The following HS3ST4 variants were observed in gnomAD, a reference collection of about 807,000 sequenced individuals.
HS3ST4 encodes the protein heparan sulfate glucosamine 3-O-sulfotransferase 4.
HS3ST4 carries 17 observed loss-of-function variants against 29.2 expected under a neutral mutation model. The observed-to-expected ratio is 0.58, with a 90% CI of 0.40 to 0.87. The LOEUF (loss-of-function observed/expected upper bound fraction) is 0.87. Among genes scored for constraint, HS3ST4 ranks in the 40% least tolerant of loss-of-function variants. The pLI, the probability that HS3ST4 is intolerant of heterozygous loss-of-function variation, is 0.00. For missense variants in HS3ST4, 627 were observed against 634.5 expected, an observed-to-expected ratio of 0.99 and a Z score of 0.13; for synonymous variants, 314 against 285.7, an observed-to-expected ratio of 1.10 and a Z score of -1.00.
At chr16:26,098,921 G>A (rs373442743) in intron 1 of HS3ST4, among the ~76,000 whole-genome samples, 28 of 152,114 alleles carry the variant, frequency 1.8e-4, no homozygotes, top group African/African-American at 6.3e-4. Flanking sequence ...CTGCGGATAC[G>A]GTTCAGGCAA....
intron 1 of HS3ST4, among the ~76,000 whole-genome samples, chr16:25,752,472 A>G (rs557740437): frequency 2.4e-4 from 37 of 152,298 alleles, no homozygotes; most frequent in African/African-American, 8.4e-4. Flanking sequence ...TGATAAAAGG[A>G]TTTGACGGAA....
intron 1 of HS3ST4, among the ~76,000 whole-genome samples, chr16:25,929,581 T>C (rs866160692): frequency 6.6e-6 from 1 of 151,992 alleles, no homozygotes; most frequent in African/African-American, 2.4e-5. Flanking sequence ...ACAAAATAAT[T>C]GGTCTGTCTC....
chr16:26,012,669 A>AC (rs1969321122), intron 1 of HS3ST4, among the ~76,000 whole-genome samples: 1 of 152,110 alleles, frequency 6.6e-6, no homozygotes, highest in Non-Finnish European at 1.5e-5. Context: ...AGCTGTCTCT[A>AC]CCCCCACATT....
At chr16:26,024,187 C>T (rs934338227) in intron 1 of HS3ST4, among the ~76,000 whole-genome samples, 1 of 148,648 alleles carries the variant, frequency 6.7e-6, no homozygotes, top group Non-Finnish European at 1.5e-5. Flanking sequence ...CACACCACTG[C>T]ACTCCAGCCC....
intron 1 of HS3ST4, among the ~76,000 whole-genome samples, chr16:25,820,970 CT>C (rs1967148891): frequency 2.6e-5 from 4 of 151,892 alleles, no homozygotes. Flanking sequence ...CATTTTAGGG[CT>C]TTGCTATAGC....
chr16:25,708,031 T>A (rs1450501769), intron 1 of HS3ST4, among the ~76,000 whole-genome samples: 1 of 152,222 alleles, frequency 6.6e-6, no homozygotes, highest in Non-Finnish European at 1.5e-5. Flanking sequence ...TCTGGTATCC[T>A]AATTTCCTGT....
At chr16:25,771,351 A>G (rs1966841743) in intron 1 of HS3ST4, among the ~76,000 whole-genome samples, 1 of 152,098 alleles carries the variant, frequency 6.6e-6, no homozygotes, top group African/African-American at 2.4e-5. Flanking sequence ...TCTGGCCACC[A>G]TGTTGCAAGT....
chr16:26,025,736 C>T (rs1969464274), intron 1 of HS3ST4, among the ~76,000 whole-genome samples: 2 of 152,130 alleles, frequency 1.3e-5, no homozygotes, highest in Non-Finnish European at 1.5e-5. Context: ...CAAGGAACTT[C>T]TGGAAGGCTT....
chr16:26,104,385 C>T (rs1899025993), intron 1 of HS3ST4, among the ~76,000 whole-genome samples: 1 of 152,054 alleles, frequency 6.6e-6, no homozygotes, highest in African/African-American at 2.4e-5. Flanking sequence ...GGATAATAGG[C>T]CAGGGAGTTG....
intron 1 of HS3ST4, among the ~76,000 whole-genome samples, chr16:25,988,927 G>T (rs141955882): frequency 6.6e-6 from 1 of 151,678 alleles, no homozygotes; most frequent in African/African-American, 2.4e-5. Context: ...TTTAAAAAGC[G>T]TTAGAAGAAA....
At chr16:25,749,818 A>G (rs1236318617) in intron 1 of HS3ST4, among the ~76,000 whole-genome samples, 2 of 152,132 alleles carry the variant, frequency 1.3e-5, no homozygotes, top group Non-Finnish European at 2.9e-5. Flanking sequence ...TCTTCCAAGA[A>G]CCTTATGTGG....
chr16:26,055,282 A>G (rs1304491400), intron 1 of HS3ST4, among the ~76,000 whole-genome samples: 5 of 152,160 alleles, frequency 3.3e-5, no homozygotes, highest in Non-Finnish European at 7.3e-5. Flanking sequence ...GCTGTGGCTA[A>G]GTGATTTAGC....
intron 1 of HS3ST4, among the ~76,000 whole-genome samples, chr16:25,698,298 A>T (rs991095934): frequency 1.3e-5 from 2 of 152,084 alleles, no homozygotes; most frequent in African/African-American, 4.8e-5. Context: ...AAATGGAGTA[A>T]CAGAGTAAGA....
intron 1 of HS3ST4, among the ~76,000 whole-genome samples, chr16:25,910,650 A>G (rs1968229494): frequency 6.6e-6 from 1 of 151,994 alleles, no homozygotes; most frequent in African/African-American, 2.4e-5. Flanking sequence ...TCTGTCTCAA[A>G]AAAAAAAAAG....
intron 1 of HS3ST4, among the ~76,000 whole-genome samples, chr16:25,822,548 C>T (rs1967170486): frequency 6.6e-6 from 1 of 152,094 alleles, no homozygotes; most frequent in African/African-American, 2.4e-5. Flanking sequence ...GTTGTGACAA[C>T]CAGAAATGTG....
chr16:26,098,981 G>T (rs771392160), intron 1 of HS3ST4, among the ~76,000 whole-genome samples: 1 of 152,178 alleles, frequency 6.6e-6, no homozygotes, highest in Non-Finnish European at 1.5e-5. Context: ...GACAGGTGTG[G>T]TGGGAGGAAT....
rs541096248 is a variant in HS3ST4, at chr16:26,108,646, T to C, written c.735-26966T>C. ...AAATAATTTTCACCCCAGAGGATCA[T>C]TTTAAGGATTAATTGAGTTTATTCT... On this transcript the variant is annotated intron_variant, in intron 1 of 1. Transcript: ENST00000331351. 6.6e-5 allele frequency among the ~76,000 whole-genome samples: 10 copies of C among 152,340 alleles called. No homozygotes were observed. In the South Asian group the frequency reaches 2.1e-3, roughly 32 times the overall value.
Position 25,751,275 on chromosome 16 carries a change from G to A in HS3ST4, c.734+58124G>A, listed in dbSNP as rs144540492. 8.5e-5 allele frequency among the ~76,000 whole-genome samples: 13 copies of A among 152,270 alleles called. No individual in the cohort carries two copies. In the East Asian group the frequency reaches 2.5e-3, roughly 29 times the overall value. Reference sequence around the variant, plus strand: ...TGTGTGCGGATGTGGATGGATGTGTGTATTTATGTGTGCTCATGTGTGTGT... The same window carrying A: ...TGTGTGCGGATGTGGATGGATGTGTATATTTATGTGTGCTCATGTGTGTGT... On this transcript the variant is annotated intron_variant, in intron 1 of 1. Transcript: ENST00000331351.
intron 1 of HS3ST4, among the ~76,000 whole-genome samples, chr16:25,931,565 G>A (rs557736883): frequency 9.8e-5 from 15 of 152,354 alleles, no homozygotes; most frequent in African/African-American, 3.6e-4. Flanking sequence ...GGGCAGTTAT[G>A]GAGGCATTAC....
Sources: allele counts gnomAD v4.1 joint callset (sites outside exome capture counted in the v4.1 genomes callset), GRCh38; gene constraint gnomAD v4.1.1; transcripts MANE v1.5; gene names NCBI Gene and HGNC (gene_info 2026-07-23, HGNC 2026-07-21).